SFMBT1: variants seen among roughly 807,000 people sequenced by gnomAD.
SFMBT1 encodes Scm like with four mbt domains 1, also known as scm-like with four MBT domains protein 1.
Under a neutral mutation model 108.7 loss-of-function variants are expected in SFMBT1, and 32 were observed. The observed-to-expected ratio is 0.29, with a 90% CI of 0.22 to 0.40. The LOEUF (loss-of-function observed/expected upper bound fraction) is 0.40, where lower values mean the gene tolerates loss of function less well. Among genes scored for constraint, SFMBT1 ranks in the 10% least tolerant of loss-of-function variants. SFMBT1 has a pLI of 1.00. For synonymous variants in SFMBT1, 348 were observed against 369.5 expected (o/e 0.94, Z 0.67); for missense variants, 816 against 1,059.6 (o/e 0.77, Z 3.19).
chr3:52,946,251 T>G (rs1703360822), intron 3 of SFMBT1, among the ~76,000 whole-genome samples: 1 of 152,164 alleles, frequency 6.6e-6, no homozygotes. Flanking sequence ...ACATGACAAA[T>G]AAATGCAATA....
intron 2 of SFMBT1, among the ~76,000 whole-genome samples, chr3:52,968,197 T>C (rs1282205320): frequency 6.6e-6 from 1 of 152,210 alleles, no homozygotes; most frequent in Non-Finnish European, 1.5e-5. Flanking sequence ...ATGTACTGTG[T>C]TATTCTATTT....
At chr3:53,015,969 T>C (rs560116226) in intron 1 of SFMBT1, among the ~76,000 whole-genome samples, 124 of 152,324 alleles carry the variant, frequency 8.1e-4, no homozygotes, top group African/African-American at 2.8e-3. Flanking sequence ...TGTTTGCTTC[T>C]CATTTTTCTT....
intron 1 of SFMBT1, among the ~76,000 whole-genome samples, chr3:52,974,729 G>A (rs1280160023): frequency 2.0e-5 from 3 of 150,764 alleles, no homozygotes; most frequent in Non-Finnish European, 4.4e-5. Flanking sequence ...GGTGGCTCAC[G>A]CCTGTAATCC....
chr3:53,003,117 A>G, intron 1 of SFMBT1, among the ~76,000 whole-genome samples: 1 of 89,164 alleles, frequency 1.1e-5, no homozygotes, highest in Admixed American at 1.2e-4. Context: ...GTGGGACTCC[A>G]TCACAAAAAA....
intron 3 of SFMBT1, among the ~76,000 whole-genome samples, chr3:52,946,020 A>G (rs1703354631): frequency 6.6e-6 from 1 of 152,242 alleles, no homozygotes; most frequent in Non-Finnish European, 1.5e-5. Context: ...TTGCATCAGT[A>G]TCATGCAGCC....
At chr3:52,984,361 T>C (rs1704829367) in intron 1 of SFMBT1, among the ~76,000 whole-genome samples, 1 of 152,048 alleles carries the variant, frequency 6.6e-6, no homozygotes, top group African/African-American at 2.4e-5. Context: ...TTGAACATCA[T>C]AAAAAACTTT....
At chr3:52,987,637 C>T (rs1298085025) in intron 1 of SFMBT1, among the ~76,000 whole-genome samples, 5 of 152,156 alleles carry the variant, frequency 3.3e-5, no homozygotes, top group Admixed American at 2.6e-4. Context: ...TCAGAGAATA[C>T]AAGGATAATT....
intron 20 of SFMBT1, among the ~76,000 whole-genome samples, chr3:52,905,812 T>C (rs556903367): frequency 6.6e-6 from 1 of 152,170 alleles, no homozygotes; most frequent in Non-Finnish European, 1.5e-5. Flanking sequence ...TATTTTTTTT[T>C]AAACAAGCAA....
intron 8 of SFMBT1, among the ~76,000 whole-genome samples, chr3:52,929,990 G>A (rs1488922613): frequency 6.6e-6 from 1 of 152,194 alleles, no homozygotes; most frequent in South Asian, 2.1e-4. Context: ...GTTAGACGTT[G>A]ATGAGACTGC....
intron 1 of SFMBT1, among the ~76,000 whole-genome samples, chr3:52,988,347 A>C (rs1296031838): frequency 1.3e-5 from 2 of 152,198 alleles, no homozygotes; most frequent in Non-Finnish European, 2.9e-5. Context: ...TCAGTTATAA[A>C]TATTGAGAAC....
chr3:52,934,864 C>A lies in SFMBT1; in HGVS notation c.402G>T (p.Leu134=). 16 of 1,613,720 alleles carry A rather than the reference C, an allele frequency of 9.9e-6. No homozygotes were observed. Among genetic ancestry groups the A allele is most frequent in the Non-Finnish European group, 1.4e-5 (16 of 1,179,806 alleles). The part of the protein sequence containing the change: ...RDKVSDWDEF[L]RQTLIGACSP... Reference sequence around the variant, plus strand: ...TACATGCTCCTATCAGGGTCTGCCGCAGAAACTCATCCCAGTCAGATACTT... The same window carrying A: ...TACATGCTCCTATCAGGGTCTGCCGAAGAAACTCATCCCAGTCAGATACTT... Residue 134 remains leucine (L), a synonymous_variant, in exon 5 of 21, where the codon CTG becomes CTT. Coordinates refer to ENST00000394752, the MANE Select transcript of SFMBT1 (RefSeq NM_016329.4).
At chr3:52,993,570 G>T (rs1341248356) in intron 1 of SFMBT1, among the ~76,000 whole-genome samples, 1 of 149,784 alleles carries the variant, frequency 6.7e-6, no homozygotes, top group East Asian at 1.9e-4. Flanking sequence ...ACTTGGCCCT[G>T]ACCATGCTAA....
At chr3:52,976,270 T>G (rs142782839) in intron 1 of SFMBT1, among the ~76,000 whole-genome samples, 1 of 152,096 alleles carries the variant, frequency 6.6e-6, no homozygotes, top group East Asian at 1.9e-4. Flanking sequence ...CAAAATAGTG[T>G]AATATTAGCA....
At position 52,932,057 on chromosome 3, in the gene SFMBT1, T is replaced by G; in HGVS notation, c.700+5A>C. 6.2e-7 allele frequency: 1 copy of G among 1,612,838 alleles called. No homozygotes were observed. Among genetic ancestry groups the G allele is most frequent in the Non-Finnish European group, 8.5e-7 (1 of 1,179,338 alleles). On this transcript the variant is annotated splice_donor_5th_base_variant and intron_variant, in intron 6 of 20. Coordinates refer to ENST00000394752, the MANE Select transcript of SFMBT1 (RefSeq NM_016329.4). ...ACAGAAGAAAAATGTCCTATTACTC[T>G]TCACCTGAAGGGGGCTGAAGCTCAT...
At chr3:52,944,622 C>T (rs544018609) in intron 3 of SFMBT1, among the ~76,000 whole-genome samples, 70 of 152,214 alleles carry the variant, frequency 4.6e-4, no homozygotes, top group South Asian at 2.3e-3. Flanking sequence ...TGGGTACAAG[C>T]GATTTTCCTG....
intron 1 of SFMBT1, among the ~76,000 whole-genome samples, chr3:52,979,829 G>A (rs1704648453): frequency 6.6e-6 from 1 of 152,112 alleles, no homozygotes. Flanking sequence ...GAAATATTTT[G>A]AAACCTGCCC....
At chr3:53,001,925 T>TCTCTCACACACACACACA (rs1448849638) in intron 1 of SFMBT1, among the ~76,000 whole-genome samples, 19 of 129,234 alleles carry the variant, frequency 1.5e-4, no homozygotes, top group Admixed American at 1.1e-3. Context: ...ACCCAGTCTC[T>TCTCTCACACACACACACA]CACACACACA....
intron 1 of SFMBT1, among the ~76,000 whole-genome samples, chr3:53,034,982 AG>A (rs1290629689): frequency 2.6e-5 from 4 of 152,230 alleles, no homozygotes; most frequent in African/African-American, 9.6e-5. Flanking sequence ...TATACCAAAA[AG>A]TGTGACAGCG....
chr3:53,027,944 C>T (rs775832668), intron 1 of SFMBT1, among the ~76,000 whole-genome samples: 10 of 152,216 alleles, frequency 6.6e-5, no homozygotes, highest in Admixed American at 1.3e-4. Flanking sequence ...ACAAGCTTAG[C>T]GTTCCAGTAA....
Sources: allele counts gnomAD v4.1 joint callset (sites outside exome capture counted in the v4.1 genomes callset), GRCh38; gene constraint gnomAD v4.1.1; transcripts MANE v1.5; gene names NCBI Gene and HGNC (gene_info 2026-07-23, HGNC 2026-07-21).